Variants in GRID2 observed in about 807,000 individuals in gnomAD.
GRID2 encodes glutamate receptor ionotropic, delta-2.
Under a neutral mutation model 114.8 loss-of-function variants are expected in GRID2, and 33 were observed. That is an observed-to-expected ratio of 0.29 (90% CI 0.22 to 0.38). The LOEUF is 0.38. Among genes scored for constraint, GRID2 ranks in the 10% least tolerant of loss-of-function variants. The pLI is 1.00. For missense variants in GRID2, 1,184 were observed against 1,257.7 expected, an observed-to-expected ratio of 0.94 and a Z score of 0.89; for synonymous variants, 505 against 449.9, an observed-to-expected ratio of 1.12 and a Z score of -1.55.
chr4:93,597,704 C>A (rs1187739039), intron 13 of GRID2, among the ~76,000 whole-genome samples: 1 of 152,176 alleles, frequency 6.6e-6, no homozygotes, highest in Non-Finnish European at 1.5e-5. Flanking sequence ...CCTCTTTTGC[C>A]TCCCAAATTT....
intron 4 of GRID2, among the ~76,000 whole-genome samples, chr4:93,168,522 C>T (rs1738480893): frequency 6.6e-6 from 1 of 151,864 alleles, no homozygotes; most frequent in Admixed American, 6.6e-5. Flanking sequence ...GTAGAATGTA[C>T]TATTAATAAG....
At chr4:93,555,538 A>G (rs1052527194) in intron 13 of GRID2, among the ~76,000 whole-genome samples, 1 of 152,234 alleles carries the variant, frequency 6.6e-6, no homozygotes, top group South Asian at 2.1e-4. Context: ...CAAAGGTGCT[A>G]TAGCCAGACT....
chr4:93,519,446 G>C (rs4582123), intron 13 of GRID2, among the ~76,000 whole-genome samples: 1,768 of 152,214 alleles, frequency 0.012, 45 homozygotes, highest in African/African-American at 0.04. Context: ...TAGTCTATTA[G>C]ATTATTTTAG....
chr4:92,650,603 C>A (rs144944100), intron 2 of GRID2, among the ~76,000 whole-genome samples: 1 of 151,782 alleles, frequency 6.6e-6, no homozygotes, highest in East Asian at 2.0e-4. Context: ...TACAAGGTAT[C>A]TGAGTGGCAG....
At chr4:92,976,573 C>G (rs189480829) in intron 2 of GRID2, among the ~76,000 whole-genome samples, 148 of 152,156 alleles carry the variant, frequency 9.7e-4, no homozygotes, top group African/African-American at 3.5e-3. Context: ...TAATACATTT[C>G]TGGCACACTA....
intron 8 of GRID2, among the ~76,000 whole-genome samples, chr4:93,341,183 A>C (rs757396679): frequency 1.3e-5 from 2 of 152,200 alleles, no homozygotes; most frequent in Admixed American, 6.5e-5. Context: ...AAATTTCTAT[A>C]GTAAACAAGA....
chr4:92,888,410 A>G (rs183697323), intron 2 of GRID2, among the ~76,000 whole-genome samples: 10 of 152,198 alleles, frequency 6.6e-5, no homozygotes, highest in African/African-American at 2.4e-4. Context: ...TGCCCAGTCA[A>G]CCAAGCCTGG....
intron 13 of GRID2, among the ~76,000 whole-genome samples, chr4:93,589,701 C>T (rs991313017): frequency 2.6e-5 from 4 of 152,198 alleles, no homozygotes; most frequent in African/African-American, 9.6e-5. Context: ...TCTCCACATC[C>T]TCTCCAGCAC....
chr4:92,411,651 G>GTATATATACA (rs1365702947), intron 1 of GRID2, among the ~76,000 whole-genome samples: 1 of 96,360 alleles, frequency 1.0e-5, no homozygotes, highest in African/African-American at 5.2e-5. Context: ...GTGTGTGTGT[G>GTATATATACA]TGTGTATATA....
rs1731317309 is a variant in GRID2 at position 92,411,649 on chromosome 4, GTGTGTGTATATATATA to G, written c.88+106907_88+106922del. The stretch of plus-strand genomic sequence containing the variant: ...CATGTGTGTGTGTGTGTGTGTGTGT[GTGTGTGTATATATATA>G]TATATATATATATGAAATATACCCA... On this transcript the variant is annotated intron_variant, in intron 1 of 15. Coordinates refer to ENST00000282020, the MANE Select transcript of GRID2 (RefSeq NM_001510.4). 6.3e-5 allele frequency among the ~76,000 whole-genome samples: 6 copies of G among 94,912 alleles called. 1 individual carries two copies. The highest frequency in any genetic ancestry group is 2.7e-4 in the East Asian group (1 of 3,730). The allele number at this position is 94,912 out of a possible 152,430, so 62.3% of individuals were successfully genotyped here. A position where few individuals can be genotyped will look rare whatever the true frequency, so the allele number is the denominator to read the frequency against.
At position 92,965,488 on chromosome 4, in the gene GRID2, A is replaced by C. The variant is rs1035873036; in HGVS notation, c.245-119507A>C. Among the ~76,000 whole-genome samples the C allele has an allele frequency of 1.6e-3, 193 of 122,792 alleles. 1 individual carries two copies. The highest frequency in any genetic ancestry group is 4.8e-3 in the African/African-American group (144 of 30,224). 80.6% of individuals were successfully genotyped at this position (122,792 alleles called of 152,430 possible). A position where few individuals can be genotyped will look rare whatever the true frequency, so the allele number is the denominator to read the frequency against. ...AAAAAAAAAAAAAAAAAAAAAAAAA[A>C]ACACACAACATCTGGGAAATGCAAC... On this transcript the variant is annotated intron_variant, in intron 2 of 15. Transcript: ENST00000282020.
At chr4:93,389,957 T>G (rs1764694114) in intron 8 of GRID2, among the ~76,000 whole-genome samples, 1 of 152,040 alleles carries the variant, frequency 6.6e-6, no homozygotes, top group Non-Finnish European at 1.5e-5. Context: ...CCTGGCTGAT[T>G]TTTGTATTTT....
At chr4:92,664,011 C>T (rs1450984132) in intron 2 of GRID2, among the ~76,000 whole-genome samples, 1 of 151,074 alleles carries the variant, frequency 6.6e-6, no homozygotes, top group African/African-American at 2.4e-5. Context: ...CTCCATTTTA[C>T]TTATCTTTGC....
chr4:92,736,943 G>A (rs1358261937), intron 2 of GRID2, among the ~76,000 whole-genome samples: 2 of 152,096 alleles, frequency 1.3e-5, no homozygotes, highest in African/African-American at 4.8e-5. Context: ...GTTGCTTGGA[G>A]AGGGACAGAG....
intron 8 of GRID2, among the ~76,000 whole-genome samples, chr4:93,329,252 T>TG (rs747785789): frequency 1.8e-4 from 28 of 152,228 alleles, no homozygotes; most frequent in Admixed American, 4.6e-4. Context: ...TCAAGAAAAC[T>TG]GGAGGCATTG....
At chr4:93,016,814 T>C (rs1452556057) in intron 2 of GRID2, among the ~76,000 whole-genome samples, 1 of 152,204 alleles carries the variant, frequency 6.6e-6, no homozygotes, top group Non-Finnish European at 1.5e-5. Context: ...AAAATTCAAC[T>C]ACTTTAGTCA....
intron 2 of GRID2, among the ~76,000 whole-genome samples, chr4:92,710,435 G>T (rs762210963): frequency 1.7e-4 from 26 of 152,062 alleles, no homozygotes; most frequent in Non-Finnish European, 3.2e-4. Flanking sequence ...GGCTCCATCA[G>T]GTATATTTTC....
chr4:93,490,287 G>T (rs941307808), intron 11 of GRID2, among the ~76,000 whole-genome samples: 1 of 151,606 alleles, frequency 6.6e-6, no homozygotes, highest in East Asian at 1.9e-4. Flanking sequence ...TTAAATATAG[G>T]CATAGCAATA....
At chr4:93,174,440 G>A (rs577360494) in intron 4 of GRID2, among the ~76,000 whole-genome samples, 1 of 152,174 alleles carries the variant, frequency 6.6e-6, no homozygotes, top group East Asian at 1.9e-4. Flanking sequence ...TTGTTTCATG[G>A]CTGAGTAATA....
Sources: allele counts gnomAD v4.1 joint callset (sites outside exome capture counted in the v4.1 genomes callset), GRCh38; gene constraint gnomAD v4.1.1; transcripts MANE v1.5; gene names NCBI Gene and HGNC (gene_info 2026-07-23, HGNC 2026-07-21).